The following RPS6KC1 variants were observed in gnomAD, a reference collection of about 807,000 sequenced individuals.
RPS6KC1 encodes inactive ribosomal protein S6 kinase delta-1.
RPS6KC1 carries 54 observed loss-of-function variants against 103.8 expected under a neutral mutation model. The observed-to-expected ratio is 0.52, with a 90% CI of 0.42 to 0.65. The LOEUF is 0.65. Ranked by LOEUF, RPS6KC1 falls within the 30% of genes least tolerant of loss-of-function variation. The pLI, the probability that RPS6KC1 is intolerant of heterozygous loss-of-function variation, is 0.00. For synonymous variants in RPS6KC1, 439 were observed against 438.7 expected (o/e 1.00, Z -0.01); for missense variants, 1,151 against 1,253.8 (o/e 0.92, Z 1.24).
At chr1:213,766,267 C>G in the RPS6KC1 span, among the ~76,000 whole-genome samples, 1 of 152,258 alleles carries the variant, frequency 6.6e-6, no homozygotes, top group South Asian at 2.1e-4. Flanking sequence ...TGCAATTTTT[C>G]AGGGTCCCAG....
chr1:213,794,874 G>A, the RPS6KC1 span, among the ~76,000 whole-genome samples: 4 of 152,100 alleles, frequency 2.6e-5, no homozygotes, highest in Admixed American at 2.6e-4. Flanking sequence ...ACATTTTTAG[G>A]ACTTAACTCA....
the RPS6KC1 span, among the ~76,000 whole-genome samples, chr1:213,484,567 GA>G: frequency 6.6e-6 from 1 of 152,174 alleles, no homozygotes; most frequent in Non-Finnish European, 1.5e-5. Context: ...GCCTCATTTT[GA>G]AAGTGATATC....
the RPS6KC1 span, among the ~76,000 whole-genome samples, chr1:213,830,822 T>C: frequency 1.3e-5 from 2 of 152,302 alleles, no homozygotes; most frequent in East Asian, 3.9e-4. Flanking sequence ...TTATATGTCC[T>C]CAGAAAGCCA....
At chr1:213,500,495 A>C in the RPS6KC1 span, among the ~76,000 whole-genome samples, 1 of 152,268 alleles carries the variant, frequency 6.6e-6, no homozygotes, top group Admixed American at 6.5e-5. Flanking sequence ...AGAATAGGAC[A>C]GTAAATAAAC....
the RPS6KC1 span, among the ~76,000 whole-genome samples, chr1:213,545,846 A>T: frequency 2.6e-5 from 4 of 152,314 alleles, no homozygotes; most frequent in South Asian, 6.2e-4. Context: ...GTGCACATGC[A>T]GTCTCATTCC....
At chr1:213,535,888 C>T in the RPS6KC1 span, among the ~76,000 whole-genome samples, 1 of 152,028 alleles carries the variant, frequency 6.6e-6, no homozygotes, top group East Asian at 1.9e-4. Context: ...AATAGGATTG[C>T]CCTTAGACCA....
chr1:213,488,622 A>C, the RPS6KC1 span, among the ~76,000 whole-genome samples: 1 of 152,362 alleles, frequency 6.6e-6, no homozygotes, highest in South Asian at 2.1e-4. Flanking sequence ...AGGGAACTGA[A>C]GCAGTAAATA....
At chr1:213,164,365 A>G (rs1329556091) in intron 6 of RPS6KC1, among the ~76,000 whole-genome samples, 8 of 152,178 alleles carry the variant, frequency 5.3e-5, no homozygotes, top group Admixed American at 4.6e-4. Flanking sequence ...TTCATCAACA[A>G]CTTTGGATTT....
the RPS6KC1 span, chr1:213,840,999 GAC>G: frequency 2.6e-5 from 4 of 152,192 alleles, no homozygotes; most frequent in African/African-American, 7.2e-5. Flanking sequence ...TCTAAGTAAA[GAC>G]ACAGTCTTTT....
At chr1:213,855,468 T>G in the RPS6KC1 span, among the ~76,000 whole-genome samples, 1 of 152,134 alleles carries the variant, frequency 6.6e-6, no homozygotes, top group Non-Finnish European at 1.5e-5. Flanking sequence ...CTAGATGTGC[T>G]CCTTCTGCCG....
At chr1:213,840,470 G>T in the RPS6KC1 span, 1 of 152,052 alleles carries the variant, frequency 6.6e-6, no homozygotes, top group African/African-American at 2.4e-5. Context: ...TATTTATAGT[G>T]CAGCAAAGTA....
At chr1:213,391,726 T>TA in the RPS6KC1 span, among the ~76,000 whole-genome samples, 3 of 152,238 alleles carry the variant, frequency 2.0e-5, no homozygotes. Flanking sequence ...CCCTAGGGAT[T>TA]AAATGACAGA....
chr1:213,122,898 T>C (rs1015024531), intron 5 of RPS6KC1, among the ~76,000 whole-genome samples: 2 of 152,114 alleles, frequency 1.3e-5, no homozygotes, highest in African/African-American at 4.8e-5. Flanking sequence ...AATGTACCAG[T>C]GTGTGTAAAT....
chr1:213,316,154 A>T, the RPS6KC1 span, among the ~76,000 whole-genome samples: 1 of 152,178 alleles, frequency 6.6e-6, no homozygotes, highest in Admixed American at 6.5e-5. Context: ...GTGAGTTCTC[A>T]CAGGATCTGA....
chr1:213,634,695 C>T, the RPS6KC1 span, among the ~76,000 whole-genome samples: 1 of 151,288 alleles, frequency 6.6e-6, no homozygotes, highest in Non-Finnish European at 1.5e-5. Context: ...CAAACAAATT[C>T]AAAAGCTAGA....
At chr1:213,484,576 A>G in the RPS6KC1 span, among the ~76,000 whole-genome samples, 21 of 152,232 alleles carry the variant, frequency 1.4e-4, no homozygotes, top group African/African-American at 4.8e-4. Flanking sequence ...TGAAAGTGAT[A>G]TCCACCAGAT....
the RPS6KC1 span, among the ~76,000 whole-genome samples, chr1:213,434,109 C>CAA: frequency 7.5e-5 from 10 of 133,424 alleles, no homozygotes; most frequent in South Asian, 2.3e-4. Context: ...TGCAGATAAG[C>CAA]AAAAAAAAAA....
the RPS6KC1 span, among the ~76,000 whole-genome samples, chr1:213,679,423 G>C: frequency 6.6e-6 from 1 of 152,208 alleles, no homozygotes; most frequent in African/African-American, 2.4e-5. Context: ...GCATGCCATG[G>C]CATTATCAGT....
At chr1:213,728,937 G>GTTTTTTTTCT in the RPS6KC1 span, among the ~76,000 whole-genome samples, 1 of 93,416 alleles carries the variant, frequency 1.1e-5, no homozygotes, top group Non-Finnish European at 1.9e-5. Flanking sequence ...GAACATGAGG[G>GTTTTTTTTCT]TTTTTTTTTT....
Sources: gnomAD v4.1 joint callset for allele counts (sites outside exome capture counted in the v4.1 genomes callset) on GRCh38, gnomAD v4.1.1 for gene constraint, MANE v1.5 for transcripts, NCBI Gene and HGNC (gene_info 2026-07-23, HGNC 2026-07-21) for gene names.